BCAS1: variants seen among roughly 807,000 people sequenced by gnomAD.
BCAS1 encodes brain enriched myelin associated protein 1, also known as breast carcinoma-amplified sequence 1.
Under a neutral mutation model 65.4 loss-of-function variants are expected in BCAS1, and 46 were observed. The ratio of observed to expected loss-of-function variants is 0.70; its 90% CI spans 0.55 to 0.90. BCAS1 has a LOEUF of 0.90. Ranked by LOEUF, BCAS1 falls within the 40% of genes least tolerant of loss-of-function variation. The probability of loss-of-function intolerance (pLI) is 0.00; values close to 1 mark genes in which losing one functional copy is unlikely to be tolerated. For synonymous variants in BCAS1, 298 were observed against 293.5 expected (o/e 1.02, Z -0.16); for missense variants, 793 against 771.2 (o/e 1.03, Z -0.33).
intron 4 of BCAS1, among the ~76,000 whole-genome samples, chr20:54,022,098 T>TA (rs759404901): frequency 6.6e-6 from 1 of 152,108 alleles, no homozygotes; most frequent in Non-Finnish European, 1.5e-5. Flanking sequence ...GGAATCATGT[T>TA]AAAACCACAA....
At chr20:54,003,534 T>C (rs922475800) in intron 4 of BCAS1, among the ~76,000 whole-genome samples, 1 of 152,232 alleles carries the variant, frequency 6.6e-6, no homozygotes, top group African/African-American at 2.4e-5. Context: ...ATTATGCACT[T>C]AGACCAGCCT....
intron 3 of BCAS1, among the ~76,000 whole-genome samples, chr20:54,035,336 G>C (rs2091880328): frequency 6.9e-6 from 1 of 145,334 alleles, no homozygotes; most frequent in Admixed American, 7.1e-5. Context: ...GGGAGACAGA[G>C]CTTGCACTGA....
intron 12 of BCAS1, among the ~76,000 whole-genome samples, chr20:53,945,564 C>T (rs1448769677): frequency 1.3e-5 from 2 of 152,076 alleles, no homozygotes; most frequent in Non-Finnish European, 1.5e-5. Flanking sequence ...ACCCCCCATC[C>T]CAAACCCTAT....
At chr20:53,962,572 T>C (rs1050868782) in intron 10 of BCAS1, among the ~76,000 whole-genome samples, 2 of 152,232 alleles carry the variant, frequency 1.3e-5, no homozygotes, top group Non-Finnish European at 2.9e-5. Context: ...TGTGGACACA[T>C]GAATGCAGTA....
At chr20:54,063,525 T>G (rs461027) in intron 1 of BCAS1, among the ~76,000 whole-genome samples, 96,164 of 152,048 alleles carry the variant, frequency 0.63, 31,193 homozygotes, top group African/African-American at 0.76. Context: ...GAAAAGTCAA[T>G]TTGGGGCCCT....
chr20:53,961,585 G>A (rs1375154407), intron 10 of BCAS1, among the ~76,000 whole-genome samples: 1 of 152,120 alleles, frequency 6.6e-6, no homozygotes, highest in Non-Finnish European at 1.5e-5. Context: ...TTCCCTTATT[G>A]TCATTTTAGG....
intron 1 of BCAS1, 127 bp from the exon 2 acceptor site, chr20:54,058,850 A>G: frequency 9.6e-7 from 1 of 1,038,930 alleles, no homozygotes; most frequent in South Asian, 1.6e-5. Flanking sequence ...GATCAGAACA[A>G]ATTGCTTGTA....
chr20:53,978,391 TATC>T (rs971752875), intron 8 of BCAS1, among the ~76,000 whole-genome samples: 4 of 152,182 alleles, frequency 2.6e-5, no homozygotes, highest in African/African-American at 9.6e-5. Flanking sequence ...AGAAATGCCT[TATC>T]ATTACAGCAA....
At chr20:54,017,927 C>T (rs2091474151) in intron 4 of BCAS1, among the ~76,000 whole-genome samples, 1 of 152,044 alleles carries the variant, frequency 6.6e-6, no homozygotes, top group Non-Finnish European at 1.5e-5. Flanking sequence ...AAACAAAAAC[C>T]ACACCAGAAA....
intron 1 of BCAS1, among the ~76,000 whole-genome samples, chr20:54,060,837 A>G (rs2092368545): frequency 6.6e-6 from 1 of 152,182 alleles, no homozygotes; most frequent in Non-Finnish European, 1.5e-5. Context: ...CCAATTTTGT[A>G]TCTCCTAATC....
At position 54,044,993 on chromosome 20, in the gene BCAS1, T is replaced by G. The variant is rs558492747; in HGVS notation, c.142+13092A>C. ...TGGGAGGCCAAGGAGGGACAGTCAC[T>G]TGAGCCCAGGAGTTTGAGACCAGCC... On this transcript the variant is annotated intron_variant, in intron 3 of 12. Coordinates refer to ENST00000688948, the MANE Select transcript of BCAS1 (RefSeq NM_001366298.2). Among the ~76,000 whole-genome samples, 446 of 151,120 alleles carry G rather than the reference T, an allele frequency of 3.0e-3. 2 individuals are homozygous for G. Among genetic ancestry groups the G allele is most frequent in the African/African-American group, 0.01 (428 of 41,176 alleles).
chr20:54,063,871 C>T (rs1388771147), intron 1 of BCAS1, among the ~76,000 whole-genome samples: 1 of 152,186 alleles, frequency 6.6e-6, no homozygotes, highest in South Asian at 2.1e-4. Flanking sequence ...AGCTAACTTT[C>T]ATTTTTGAAA....
intron 4 of BCAS1, among the ~76,000 whole-genome samples, chr20:53,997,898 CCCTTTCATCCCCGTGTAGTCCTT>C (rs1323090875): frequency 1.3e-5 from 2 of 152,160 alleles, no homozygotes; most frequent in Non-Finnish European, 2.9e-5. Flanking sequence ...TCTTCGCCCT[CCCTTTCATCCCCGTGTAGTCCTT>C]CCTTTCATCC....
intron 4 of BCAS1, among the ~76,000 whole-genome samples, chr20:54,008,318 G>A (rs1463974838): frequency 6.6e-6 from 1 of 152,206 alleles, no homozygotes; most frequent in Non-Finnish European, 1.5e-5. Flanking sequence ...TGGTGTCCGC[G>A]GGGACCACAT....
At chr20:54,049,234 G>T (rs1234409742) in intron 3 of BCAS1, among the ~76,000 whole-genome samples, 1 of 152,048 alleles carries the variant, frequency 6.6e-6, no homozygotes, top group Non-Finnish European at 1.5e-5. Flanking sequence ...AGCAAAATTA[G>T]TCTATTCTTT....
In BCAS1 at chr20:53,966,991, T is replaced by A. The variant is rs1326482198; in HGVS notation, c.1400A>T (p.Asp467Val). The A allele has an allele frequency of 1.2e-6, 2 of 1,613,296 alleles. No individual in the cohort carries two copies. Among genetic ancestry groups the A allele is most frequent in the Non-Finnish European group, 1.7e-6 (2 of 1,179,690 alleles). The change falls in exon 10 of 13, where the codon GAT (aspartate) becomes GTT (valine). Residue 467 changes from aspartate (D) to valine (V), a missense_variant. Transcript: ENST00000688948. ...ALQTVDLNEG[D>V]AAPEPTEAKL... Reference sequence around the variant, plus strand: ...CGCTTCTGTGGGTTCAGGTGCAGCATCTCCTTCGTTGAGGTCCACTGTTTG... The same window carrying A: ...CGCTTCTGTGGGTTCAGGTGCAGCAACTCCTTCGTTGAGGTCCACTGTTTG...
intron 1 of BCAS1, 100 bp from the exon 2 acceptor site, chr20:54,058,823 G>T: frequency 7.5e-7 from 1 of 1,340,152 alleles, no homozygotes. Context: ...GCCCATGGCT[G>T]TATTATCATC....
chr20:53,945,509 C>T (rs574711511), intron 12 of BCAS1, among the ~76,000 whole-genome samples: 9 of 152,158 alleles, frequency 5.9e-5, no homozygotes, highest in South Asian at 2.1e-4. Context: ...CCCATTAACT[C>T]GTCATGTAAC....
chr20:53,986,043 AGG>A (rs1359599226), intron 7 of BCAS1, among the ~76,000 whole-genome samples: 2 of 152,260 alleles, frequency 1.3e-5, no homozygotes, highest in African/African-American at 4.8e-5. Context: ...AAAGGCAACT[AGG>A]CTGGAACTTG....
Sources: allele counts gnomAD v4.1 joint callset (sites outside exome capture counted in the v4.1 genomes callset), GRCh38; gene constraint gnomAD v4.1.1; transcripts MANE v1.5; gene names NCBI Gene and HGNC (gene_info 2026-07-23, HGNC 2026-07-21).